ABHD5: variants seen among roughly 807,000 people sequenced by gnomAD.
The protein encoded by ABHD5 is abhydrolase domain containing 5, lysophosphatidic acid acyltransferase, also known as 1-acylglycerol-3-phosphate O-acyltransferase ABHD5.
Under a neutral mutation model 44.9 loss-of-function variants are expected in ABHD5, and 30 were observed. That is an observed-to-expected ratio of 0.67 (90% CI 0.50 to 0.91). The LOEUF (loss-of-function observed/expected upper bound fraction) is 0.91, where lower values mean the gene tolerates loss of function less well. Ranked by LOEUF, ABHD5 falls within the 40% of genes least tolerant of loss-of-function variation. The pLI is 0.00. For synonymous variants in ABHD5, 167 were observed against 147.0 expected, an observed-to-expected ratio of 1.14 and a Z score of -0.99; for missense variants, 399 against 423.4, an observed-to-expected ratio of 0.94 and a Z score of 0.50.
intron 1 of ABHD5, 195 bp downstream of exon 1, chr3:43,691,234 C>A: frequency 4.3e-6 from 2 of 469,502 alleles, no homozygotes; most frequent in Admixed American, 4.5e-5. Flanking sequence ...GAGAGGCTCC[C>A]CTCAGCGTCG....
intron 3 of ABHD5, among the ~76,000 whole-genome samples, chr3:43,704,633 C>A (rs114258423): frequency 6.6e-6 from 1 of 152,302 alleles, no homozygotes; most frequent in Non-Finnish European, 1.5e-5. Flanking sequence ...GCAAGAGTTT[C>A]ATTTGCAATT....
chr3:43,704,042 T>A (rs1358698656), intron 3 of ABHD5, among the ~76,000 whole-genome samples: 1 of 134,416 alleles, frequency 7.4e-6, no homozygotes, highest in Non-Finnish European at 1.6e-5. Flanking sequence ...TCTTTTTTTT[T>A]TTTTTTTTTT....
At chr3:43,730,358 C>G (rs1021846829) in intron 7 of ABHD5, among the ~76,000 whole-genome samples, 4 of 152,196 alleles carry the variant, frequency 2.6e-5, no homozygotes, top group Admixed American at 2.6e-4. Context: ...TCAAGGAAAC[C>G]TTGCTGACTA....
At chr3:43,695,903 T>G (rs1329277235) in intron 1 of ABHD5, among the ~76,000 whole-genome samples, 2 of 152,234 alleles carry the variant, frequency 1.3e-5, no homozygotes, top group Admixed American at 1.3e-4. Context: ...ATGTGATCTT[T>G]TATAACTTTT....
Position 43,717,690 on chromosome 3 carries a change from A to G in ABHD5, c.793A>G (p.Asn265Asp), listed in dbSNP as rs1311262059. 2 of 1,614,228 alleles carry G rather than the reference A, an allele frequency of 1.2e-6. No homozygotes were observed. Among genetic ancestry groups the G allele is most frequent in the Non-Finnish European group, 1.7e-6 (2 of 1,180,046 alleles). The change falls in exon 6 of 7, where the codon AAT (asparagine) becomes GAT (aspartate). Residue 265 changes from asparagine (N) to aspartate (D), a missense_variant. Transcript: ENST00000644371. ...TTAAAGTGGTGAGACAGCTTTCAAG[A>G]ATATGACTATTCCTTATGGATGGGC... is the stretch of plus-strand genomic sequence containing the variant. ...QTPSGETAFK[N>D]MTIPYGWAKR...
In ABHD5 at chr3:43,718,752, A is replaced by T; in HGVS notation, c.*220A>T. Reference sequence around the variant, plus strand: ...TCTCCTACACAAAATTGAAATATACAAGTCTCTAAATATAATACCTTTAAA... The same window carrying T: ...TCTCCTACACAAAATTGAAATATACTAGTCTCTAAATATAATACCTTTAAA... On this transcript the variant is annotated 3_prime_UTR_variant, in exon 7 of 7. Coordinates refer to ENST00000644371, the MANE Select transcript of ABHD5 (RefSeq NM_016006.6). 1 of 540,724 alleles carries T rather than the reference A, an allele frequency of 1.8e-6. No homozygotes were observed. Among genetic ancestry groups the T allele is most frequent in the South Asian group, 2.3e-5 (1 of 44,362 alleles). The allele number at this position is 540,724 out of a possible 1,614,324, so 33.5% of individuals were successfully genotyped here. A position where few individuals can be genotyped will look rare whatever the true frequency, so the allele number is the denominator to read the frequency against.
In ABHD5 at chr3:43,694,513, G is replaced by T. The variant is rs1274336091; in HGVS notation, c.47+3474G>T. ...GAACTTATTTTAGAACTGATGCAAA[G>T]AAATGTCACTGACTTGTTAAGTAGA... is the stretch of plus-strand genomic sequence containing the variant. On this transcript the variant is annotated intron_variant, in intron 1 of 6. Transcript: ENST00000644371. Among the ~76,000 whole-genome samples the T allele has an allele frequency of 2.0e-5, 3 of 152,058 alleles. No individual in the cohort carries two copies. In the East Asian group the frequency reaches 5.8e-4, roughly 29 times the overall value.
chr3:43,725,292 CAT>C (rs1411589562), downstream of ABHD5, among the ~76,000 whole-genome samples: 2 of 152,200 alleles, frequency 1.3e-5, no homozygotes, highest in African/African-American at 2.4e-5. Context: ...CTTGCCATCT[CAT>C]GTGCACCATT....
intron 4 of ABHD5, among the ~76,000 whole-genome samples, chr3:43,712,288 A>G (rs993347692): frequency 1.3e-5 from 2 of 152,148 alleles, no homozygotes; most frequent in African/African-American, 4.8e-5. Flanking sequence ...ATAAAACCTG[A>G]TTTGATTGAC....
In ABHD5 at chr3:43,719,826, T is replaced by A. The variant is rs1274590276; in HGVS notation, c.*1294T>A. On this transcript the variant is annotated 3_prime_UTR_variant, in exon 7 of 7. Coordinates refer to ENST00000644371, the MANE Select transcript of ABHD5 (RefSeq NM_016006.6). ...AGAAGGCATCTTTCGCTAACGTTGC[T>A]TGTCTAGGAGAAAGGTAGCTATGTA... 1.3e-5 allele frequency: 2 copies of A among 152,214 alleles called. No homozygotes were observed. The allele number at this position is 152,214 out of a possible 1,614,324, so 9.4% of individuals were successfully genotyped here.
chr3:43,704,063 A>AGT (rs2084584926), intron 3 of ABHD5, among the ~76,000 whole-genome samples: 2 of 105,960 alleles, frequency 1.9e-5, no homozygotes, highest in African/African-American at 7.5e-5. Context: ...TTTGAGCCGG[A>AGT]GTCTCACTCG....
intron 4 of ABHD5, among the ~76,000 whole-genome samples, chr3:43,712,065 A>C (rs1259900291): frequency 6.6e-6 from 1 of 152,232 alleles, no homozygotes; most frequent in Non-Finnish European, 1.5e-5. Flanking sequence ...TTTATATTGT[A>C]AACATTGTGA....
chr3:43,700,302 T>C (rs773070363), intron 2 of ABHD5, among the ~76,000 whole-genome samples: 1 of 152,216 alleles, frequency 6.6e-6, no homozygotes, highest in Admixed American at 6.5e-5. Flanking sequence ...CCCAAACTTG[T>C]ACCATCAGGG....
At chr3:43,728,344 C>T (rs529498988) in intron 7 of ABHD5, among the ~76,000 whole-genome samples, 6 of 152,304 alleles carry the variant, frequency 3.9e-5, no homozygotes, top group Non-Finnish European at 7.4e-5. Context: ...TCACTTAAAA[C>T]GCCAGGGCAC....
At chr3:43,693,363 TC>T (rs2084426581) in intron 1 of ABHD5, among the ~76,000 whole-genome samples, 3 of 152,210 alleles carry the variant, frequency 2.0e-5, no homozygotes, top group African/African-American at 7.2e-5. Context: ...GATTTTTCTC[TC>T]CCCTCCCTGC....
chr3:43,701,282 T>C (rs967733936), intron 2 of ABHD5, among the ~76,000 whole-genome samples: 4 of 152,230 alleles, frequency 2.6e-5, no homozygotes, highest in African/African-American at 9.6e-5. Flanking sequence ...GGGCTTGTGC[T>C]CCATTAATAT....
At chr3:43,691,188 C>A (rs2084371409) in intron 1 of ABHD5, 149 bp downstream of exon 1, 3 of 771,194 alleles carry the variant, frequency 3.9e-6, no homozygotes, top group Non-Finnish European at 1.8e-6. Context: ...TGAGTCCGCG[C>A]GGCGCCCAGA....
At chr3:43,710,147 A>T (rs1242266680) in intron 3 of ABHD5, among the ~76,000 whole-genome samples, 1 of 152,232 alleles carries the variant, frequency 6.6e-6, no homozygotes, top group African/African-American at 2.4e-5. Flanking sequence ...CCTCTTTCTG[A>T]TACACTATTA....
chr3:43,693,529 C>T (rs1367927088), intron 1 of ABHD5, among the ~76,000 whole-genome samples: 1 of 152,188 alleles, frequency 6.6e-6, no homozygotes, highest in Non-Finnish European at 1.5e-5. Context: ...CTTCCCAAAC[C>T]TTTGCCACCT....
Sources: allele counts gnomAD v4.1 joint callset (sites outside exome capture counted in the v4.1 genomes callset), GRCh38; gene constraint gnomAD v4.1.1; transcripts MANE v1.5; gene names NCBI Gene and HGNC (gene_info 2026-07-23, HGNC 2026-07-21).